The following PHF13 variants were observed in gnomAD, a reference collection of about 807,000 sequenced individuals.
The protein encoded by PHF13 is PHD finger protein 13.
PHF13 carries 1 observed loss-of-function variant against 25.8 expected under a neutral mutation model. That is an observed-to-expected ratio of 0.04 (90% CI 0.01 to 0.18). The LOEUF is 0.18. Among genes scored for constraint, PHF13 ranks in the 10% least tolerant of loss-of-function variants. PHF13 has a pLI of 1.00. For synonymous variants in PHF13, 195 were observed against 162.4 expected (o/e 1.20, Z -1.53); for missense variants, 306 against 403.2 (o/e 0.76, Z 2.06).
rs1457636068 is a variant in PHF13 at position 6,613,924 on chromosome 1, C to T, written c.-143C>T. On this transcript the variant is annotated 5_prime_UTR_variant, in exon 1 of 4. Coordinates refer to ENST00000377648, the MANE Select transcript of PHF13 (RefSeq NM_153812.3). ...AGAGCTTGAGAAGCGACGCGCTGAG[C>T]CCCCCATCACCTCCAGCCCGGGCGA... 6 of 554,236 alleles carry T rather than the reference C, an allele frequency of 1.1e-5. No homozygotes were observed. The highest frequency in any genetic ancestry group is 4.0e-5 in the Admixed American group (1 of 25,228). The allele number at this position is 554,236 out of a possible 1,614,324, so 34.3% of individuals were successfully genotyped here.
chr1:6,618,379 T>G (rs1052929685), intron 2 of PHF13, among the ~76,000 whole-genome samples: 7 of 152,226 alleles, frequency 4.6e-5, no homozygotes, highest in African/African-American at 1.7e-4. Context: ...GTGACCCACC[T>G]GCCTTGGCTT....
chr1:6,618,969 CAAG>C (rs749254113), intron 2 of PHF13, among the ~76,000 whole-genome samples: 6 of 152,082 alleles, frequency 3.9e-5, no homozygotes, highest in Non-Finnish European at 8.8e-5. Flanking sequence ...TCTAGCAAGA[CAAG>C]GAGGACGTTG....
intron 1 of PHF13, among the ~76,000 whole-genome samples, chr1:6,615,462 T>C (rs1430715383): frequency 6.6e-6 from 1 of 152,014 alleles, no homozygotes. Flanking sequence ...GAAAATAATT[T>C]TCTAAGGGCA....
Position 6,619,874 on chromosome 1 carries a change from C to T in PHF13, c.213C>T (p.Asp71=), listed in dbSNP as rs768490039. ...GTACCATTGACAGCGACGGCTGGGA[C>T]GCGGGTTTCTCAGACATCGCGTCCT... ...TAGTIDSDGW[D]AGFSDIASSV... Residue 71 remains aspartate, a synonymous_variant, in exon 3 of 4, where the codon GAC becomes GAT. Coordinates refer to ENST00000377648, the MANE Select transcript of PHF13 (RefSeq NM_153812.3). 39 of 1,613,706 alleles carry T rather than the reference C, an allele frequency of 2.4e-5. No individual in the cohort carries two copies. The East Asian group carries it at 2.7e-4, about 11-fold the overall frequency.
intron 2 of PHF13, 100 bp from the exon 3 acceptor site, chr1:6,619,703 A>G (rs1427859248): frequency 1.6e-6 from 2 of 1,216,942 alleles, no homozygotes; most frequent in African/African-American, 3.0e-5. Flanking sequence ...AGTTGTGCAG[A>G]TGTCTCTGGA....
intron 1 of PHF13, chr1:6,614,366 C>T (rs922966926): frequency 2.1e-6 from 1 of 474,242 alleles, no homozygotes; most frequent in Non-Finnish European, 3.7e-6. Context: ...GCGCCTATTT[C>T]TCTCCCCCGG....
At chr1:6,616,264 T>G (rs1175819113) in intron 1 of PHF13, among the ~76,000 whole-genome samples, 1 of 152,020 alleles carries the variant, frequency 6.6e-6, no homozygotes, top group East Asian at 1.9e-4. Flanking sequence ...CCTGACCTCG[T>G]GATCCGCCCG....
chr1:6,616,697 C>T lies in PHF13; in HGVS notation c.40-60C>T, dbSNP rs1641266574. The T allele has an allele frequency of 2.8e-6, 4 of 1,434,770 alleles. No homozygotes were observed. The South Asian group carries it at 4.6e-5, about 16-fold the overall frequency. The allele number at this position is 1,434,770 out of a possible 1,614,324, so 88.9% of individuals were successfully genotyped here. ...AGTTCCAGCTTACTTCCTTTTGTTT[C>T]TGTGATTCCGCCTGGAAGCCTCTCC... On this transcript the variant is annotated intron_variant, in intron 1 of 3. Transcript: ENST00000377648.
Position 6,618,223 on chromosome 1 carries a change from C to A in PHF13, c.141+1365C>A, listed in dbSNP as rs972197407. Reference sequence around the variant, plus strand: ...AGTCTTGGCTCACTGCAGCCTCTTTCTCCTGTGCTGAAGTGATCCTCCCAC... The same window carrying A: ...AGTCTTGGCTCACTGCAGCCTCTTTATCCTGTGCTGAAGTGATCCTCCCAC... On this transcript the variant is annotated intron_variant, in intron 2 of 3. Coordinates refer to ENST00000377648, the MANE Select transcript of PHF13 (RefSeq NM_153812.3). Among the ~76,000 whole-genome samples the A allele has an allele frequency of 3.3e-5, 5 of 152,172 alleles. No individual in the cohort carries two copies. In the Middle Eastern group the frequency reaches 0.01, roughly 311 times the overall value.
intron 2 of PHF13, 23 bp downstream of exon 2, chr1:6,616,881 C>T (rs772461887): frequency 2.5e-6 from 4 of 1,601,758 alleles, no homozygotes; most frequent in South Asian, 2.2e-5. Flanking sequence ...GTTTCTGAGA[C>T]CTTTCTTGAT....
chr1:6,618,630 CTGCTTTCTT>C (rs1276802033), intron 2 of PHF13, among the ~76,000 whole-genome samples: 1 of 152,106 alleles, frequency 6.6e-6, no homozygotes, highest in Non-Finnish European at 1.5e-5. Flanking sequence ...TGGCTAATGC[CTGCTTTCTT>C]TTCTTTCTTT....
At position 6,623,505 on chromosome 1, in the gene PHF13, GA is replaced by G. The variant is rs35014452; in HGVS notation, c.*1879del. The G allele has an allele frequency of 0.7, 106,525 of 151,342 alleles. 37,704 individuals carry two copies. The highest frequency in any genetic ancestry group is 0.81 in the Middle Eastern group (237 of 292). 9.4% of individuals were successfully genotyped at this position (151,342 alleles called of 1,614,324 possible). On this transcript the variant is annotated 3_prime_UTR_variant, in exon 4 of 4. Transcript: ENST00000377648. ...GCGCTCCAAAGTGTTTTTCTGCTTT[GA>G]AAAAAAAAAATTCCACAAGCTTTTA...
rs959115473 is a variant in PHF13, at chr1:6,621,263, C to T, written c.677-148C>T. 1 of 805,380 alleles carries T rather than the reference C, an allele frequency of 1.2e-6. No homozygotes were observed. 49.9% of individuals were successfully genotyped at this position (805,380 alleles called of 1,614,324 possible). ...CTGGTTCCCACACATTTTGGAGCCC[C>T]TCGTGCCTTTTCAGAGAGAAGTGTC... is the stretch of plus-strand genomic sequence containing the variant. On this transcript the variant is annotated intron_variant, in intron 3 of 3. Coordinates refer to ENST00000377648, the MANE Select transcript of PHF13 (RefSeq NM_153812.3). This position sits in a 1 kb window ranked among gnomAD's most constrained non-coding sequence, Gnocchi z 4.8.
chr1:6,614,195 C>T, intron 1 of PHF13, 90 bp downstream of exon 1: 1 of 1,191,762 alleles, frequency 8.4e-7, no homozygotes, highest in Non-Finnish European at 1.2e-6. Flanking sequence ...TCGCCCGGAG[C>T]GCCGCCCTCC....
Position 6,613,803 on chromosome 1 carries a change from C to T in PHF13, c.-264C>T. On this transcript the variant is annotated 5_prime_UTR_variant, in exon 1 of 4. Coordinates refer to ENST00000377648, the MANE Select transcript of PHF13 (RefSeq NM_153812.3). ...CCGGTCGGGTTCCCGCTCACCGCCG[C>T]CGCCGCCGCCCCCTGCAGCCACTCT... is the stretch of plus-strand genomic sequence containing the variant. 4.9e-6 allele frequency: 2 copies of T among 405,430 alleles called. No individual in the cohort carries two copies. Among genetic ancestry groups the T allele is most frequent in the Non-Finnish European group, 8.8e-6 (2 of 226,252 alleles). The allele number at this position is 405,430 out of a possible 1,614,324, so 25.1% of individuals were successfully genotyped here. A position where few individuals can be genotyped will look rare whatever the true frequency, so the allele number is the denominator to read the frequency against.
rs1641216335 is a variant in PHF13, at chr1:6,614,188, C to G, written c.39+83C>G. 3.0e-6 allele frequency: 4 copies of G among 1,337,304 alleles called. No individual in the cohort carries two copies. In the Admixed American group the frequency reaches 7.2e-5, roughly 24 times the overall value. 82.8% of individuals were successfully genotyped at this position (1,337,304 alleles called of 1,614,324 possible). A position where few individuals can be genotyped will look rare whatever the true frequency, so the allele number is the denominator to read the frequency against. On this transcript the variant is annotated intron_variant, in intron 1 of 3. Coordinates refer to ENST00000377648, the MANE Select transcript of PHF13 (RefSeq NM_153812.3). ...CCTCAGGCAGCCAGACCCCCGGTCGCCCGGAGCGCCGCCCTCCCCTTCCCC... is the reference window on the plus strand; with the variant it reads ...CCTCAGGCAGCCAGACCCCCGGTCGGCCGGAGCGCCGCCCTCCCCTTCCCC...
At chr1:6,617,605 T>A (rs542498882) in intron 2 of PHF13, among the ~76,000 whole-genome samples, 1 of 151,910 alleles carries the variant, frequency 6.6e-6, no homozygotes, top group South Asian at 2.1e-4. Flanking sequence ...TTTTTTGTAT[T>A]TTTACTAGAG....
At chr1:6,616,360 C>T (rs1465908953) in intron 1 of PHF13, among the ~76,000 whole-genome samples, 3 of 152,172 alleles carry the variant, frequency 2.0e-5, no homozygotes, top group African/African-American at 7.2e-5. Flanking sequence ...TAACATACAT[C>T]AGTTCCAGCT....
chr1:6,613,880 A>C lies in PHF13; in HGVS notation c.-187A>C. ...ATCGTCCACTCCGGTCGGCGGTGGA[A>C]CCGCCAGTCCGGGGTCACAGAGCTT... On this transcript the variant is annotated 5_prime_UTR_variant, in exon 1 of 4. Transcript: ENST00000377648. The C allele has an allele frequency of 2.1e-5, 10 of 482,324 alleles. No individual in the cohort carries two copies. The highest frequency in any genetic ancestry group is 4.5e-5 in the Admixed American group (1 of 22,386). The allele number at this position is 482,324 out of a possible 1,614,324, so 29.9% of individuals were successfully genotyped here. A position where few individuals can be genotyped will look rare whatever the true frequency, so the allele number is the denominator to read the frequency against.
Sources: allele counts gnomAD v4.1 joint callset (sites outside exome capture counted in the v4.1 genomes callset), GRCh38; gene constraint gnomAD v4.1.1; non-coding constraint Gnocchi (gnomAD v3.1); transcripts MANE v1.5; gene names NCBI Gene and HGNC (gene_info 2026-07-23, HGNC 2026-07-21).